EIF2AK2: variants seen among roughly 807,000 people sequenced by gnomAD.
EIF2AK2 encodes the protein interferon-induced, double-stranded RNA-activated protein kinase.
Under a neutral mutation model 70.5 loss-of-function variants are expected in EIF2AK2, and 40 were observed. That is an observed-to-expected ratio of 0.57 (90% CI 0.44 to 0.74). EIF2AK2 has a LOEUF of 0.74. EIF2AK2 is among the 30% of genes least tolerant of loss of function. The probability of loss-of-function intolerance (pLI) is 0.00; values close to 1 mark genes in which losing one functional copy is unlikely to be tolerated. For missense variants in EIF2AK2, 555 were observed against 644.3 expected, an observed-to-expected ratio of 0.86 and a Z score of 1.50; for synonymous variants, 198 against 220.9, an observed-to-expected ratio of 0.90 and a Z score of 0.92.
At position 37,140,606 on chromosome 2, in the gene EIF2AK2, C is replaced by G. The variant is rs182781620; in HGVS notation, c.390-849G>C. Among the ~76,000 whole-genome samples, 37 of 151,820 alleles carry G rather than the reference C, an allele frequency of 2.4e-4. 1 individual carries two copies. In the South Asian group the frequency reaches 2.5e-3, roughly 10 times the overall value. The stretch of plus-strand genomic sequence containing the variant: ...CCTATTTTTTTCAGATACTGCCCCC[C>G]CCCGCAAACAGATTTCTTCTTTCTT... On this transcript the variant is annotated intron_variant, in intron 5 of 16. Transcript: ENST00000233057.
intron 1 of EIF2AK2, among the ~76,000 whole-genome samples, chr2:37,156,244 G>A (rs1478437945): frequency 3.9e-5 from 6 of 152,164 alleles, no homozygotes; most frequent in Admixed American, 1.3e-4. Flanking sequence ...CAGCGTGGCC[G>A]GAGTAGGGGG....
chr2:37,115,448 G>T (rs1237597257), intron 13 of EIF2AK2, among the ~76,000 whole-genome samples: 1 of 152,106 alleles, frequency 6.6e-6, no homozygotes, highest in East Asian at 1.9e-4. Context: ...GTGCAAGGTG[G>T]ATTCACTCTG....
At chr2:37,154,562 C>T (rs867495836) in intron 1 of EIF2AK2, among the ~76,000 whole-genome samples, 3 of 151,812 alleles carry the variant, frequency 2.0e-5, no homozygotes, top group African/African-American at 7.3e-5. Flanking sequence ...ACCCACTCTC[C>T]TAGTTTTCTT....
intron 10 of EIF2AK2, among the ~76,000 whole-genome samples, chr2:37,134,944 G>A (rs902050100): frequency 6.6e-6 from 1 of 152,162 alleles, no homozygotes; most frequent in African/African-American, 2.4e-5. Flanking sequence ...GGCTGCCTTG[G>A]ATATAACCTC....
chr2:37,116,843 G>A (rs1002656063), intron 13 of EIF2AK2, among the ~76,000 whole-genome samples: 2 of 152,174 alleles, frequency 1.3e-5, no homozygotes, highest in African/African-American at 2.4e-5. Context: ...AATTGAATTT[G>A]TGAAGCCGTG....
Position 37,122,675 on chromosome 2 carries a change from G to C in EIF2AK2, c.909-11C>G. On this transcript the variant is annotated splice_polypyrimidine_tract_variant and intron_variant, in intron 11 of 16. Transcript: ENST00000233057. Reference sequence around the variant, plus strand: ...TCACGCTCCGCCTTCCTAGTTAAAAGGAACAGGGAACATGGCAGTGTCAGT... The same window carrying C: ...TCACGCTCCGCCTTCCTAGTTAAAACGAACAGGGAACATGGCAGTGTCAGT... 6.2e-7 allele frequency: 1 copy of C among 1,614,032 alleles called. No homozygotes were observed. Among genetic ancestry groups the C allele is most frequent in the Non-Finnish European group, 8.5e-7 (1 of 1,180,010 alleles).
chr2:37,121,273 A>AC (rs1410288963), intron 12 of EIF2AK2, among the ~76,000 whole-genome samples: 22 of 151,292 alleles, frequency 1.5e-4, no homozygotes, highest in Admixed American at 6.6e-4. Context: ...AAAAAAAAAA[A>AC]AAAAAAAAAA....
intron 10 of EIF2AK2, among the ~76,000 whole-genome samples, chr2:37,134,497 C>T (rs1340974174): frequency 2.0e-5 from 3 of 152,210 alleles, no homozygotes; most frequent in Non-Finnish European, 4.4e-5. Context: ...TGCAGCCTCT[C>T]CCTCAACCAA....
At chr2:37,127,573 C>T (rs1313382804) in intron 10 of EIF2AK2, among the ~76,000 whole-genome samples, 1 of 152,086 alleles carries the variant, frequency 6.6e-6, no homozygotes, top group Non-Finnish European at 1.5e-5. Flanking sequence ...TCCATCTTTA[C>T]CTTCTCATAC....
chr2:37,109,492 G>C (rs940889717), intron 14 of EIF2AK2, 197 bp from the exon 15 acceptor site: 1 of 519,610 alleles, frequency 1.9e-6, no homozygotes, highest in African/African-American at 1.9e-5. Flanking sequence ...GTAAATTAAC[G>C]ATCAACATGG....
At position 37,150,587 on chromosome 2, in the gene EIF2AK2, C is replaced by A. The variant is rs201027849; in HGVS notation, c.-183-1564G>T. Among the ~76,000 whole-genome samples the A allele has an allele frequency of 2.3e-4, 35 of 152,248 alleles. No homozygotes were observed. In the East Asian group the frequency reaches 4.8e-3, roughly 21 times the overall value. ...CCCACAGTACCATGCAAAATGAGGA[C>A]CGCTTGTAGCCGGGAACAACACAAT... On this transcript the variant is annotated intron_variant, in intron 1 of 16. Coordinates refer to ENST00000233057, the MANE Select transcript of EIF2AK2 (RefSeq NM_001135651.3).
intron 2 of EIF2AK2, among the ~76,000 whole-genome samples, chr2:37,148,129 G>T (rs925746184): frequency 6.6e-6 from 1 of 152,106 alleles, no homozygotes; most frequent in Non-Finnish European, 1.5e-5. Flanking sequence ...ACCAGCCTGG[G>T]CAACATGGCG....
chr2:37,138,433 T>C (rs1420408565), intron 7 of EIF2AK2, 70 bp from the exon 8 acceptor site: 2 of 1,599,212 alleles, frequency 1.3e-6, no homozygotes, highest in Non-Finnish European at 1.7e-6. Flanking sequence ...CCCTAAATTC[T>C]CCTTAAACAT....
intron 4 of EIF2AK2, among the ~76,000 whole-genome samples, chr2:37,142,332 C>T (rs891132961): frequency 6.6e-6 from 1 of 152,008 alleles, no homozygotes; most frequent in Non-Finnish European, 1.5e-5. Context: ...AGCGTTTGGC[C>T]ATATTGCCCA....
intron 5 of EIF2AK2, among the ~76,000 whole-genome samples, chr2:37,140,834 C>A (rs1211090864): frequency 1.3e-5 from 2 of 152,166 alleles, no homozygotes; most frequent in Non-Finnish European, 2.9e-5. Flanking sequence ...GAAGTGTATC[C>A]TAAAGTGATG....
Position 37,138,533 on chromosome 2 carries a change from CT to C in EIF2AK2, c.568del (p.Ser190AlafsTer4). ...GSFATTCESQ[S>X]NSLVTSTLAS... is the part of the protein sequence containing the mutation. ...CAGTGTGCTGGTCACTAAAGAGTTGCTTTGGGACTCACACGTAGTAGCAAAA... is the reference window on the plus strand; with the variant it reads ...CAGTGTGCTGGTCACTAAAGAGTTGCTTGGGACTCACACGTAGTAGCAAAA... On this transcript the variant is annotated frameshift_variant, in exon 7 of 17. Coordinates refer to ENST00000233057, the MANE Select transcript of EIF2AK2 (RefSeq NM_001135651.3). LOFTEE classifies it high-confidence loss of function. 6.2e-7 allele frequency: 1 copy of C among 1,614,098 alleles called. No homozygotes were observed. The highest frequency in any genetic ancestry group is 1.1e-5 in the South Asian group (1 of 91,072).
chr2:37,148,781 GC>G, intron 2 of EIF2AK2, 75 bp downstream of exon 2: 1 of 820,774 alleles, frequency 1.2e-6, no homozygotes, highest in Non-Finnish European at 2.2e-6. Context: ...CAAAAAACTA[GC>G]CCCCCAGAAT....
At position 37,153,341 on chromosome 2, in the gene EIF2AK2, T is replaced by C. The variant is rs1461925834; in HGVS notation, c.-184+3567A>G. ...GTCCTTTCAGTCTCTGCTAATCTTT[T>C]TTTTTTTTTTTTTTTTTGAGACAGG... On this transcript the variant is annotated intron_variant, in intron 1 of 16. Transcript: ENST00000233057. Among the ~76,000 whole-genome samples the C allele has an allele frequency of 1.6e-4, 23 of 141,912 alleles. 2 individuals are homozygous for C. The East Asian group carries it at 2.1e-3, about 13-fold the overall frequency. The allele number at this position is 141,912 out of a possible 152,430, so 93.1% of individuals were successfully genotyped here. A position where few individuals can be genotyped will look rare whatever the true frequency, so the allele number is the denominator to read the frequency against.
intron 6 of EIF2AK2, 30 bp downstream of exon 6, chr2:37,139,601 A>T: frequency 6.2e-7 from 1 of 1,601,010 alleles, no homozygotes; most frequent in Non-Finnish European, 8.5e-7. Flanking sequence ...ATTTTAAAAC[A>T]TAAAAATTTA....
Sources: allele counts gnomAD v4.1 joint callset (sites outside exome capture counted in the v4.1 genomes callset), GRCh38; gene constraint gnomAD v4.1.1; transcripts MANE v1.5; gene names NCBI Gene and HGNC (gene_info 2026-07-23, HGNC 2026-07-21).